Variants in DHRSX observed in about 807,000 individuals in gnomAD.
DHRSX encodes the protein polyprenol dehydrogenase.
DHRSX carries 31 observed loss-of-function variants against 34.0 expected under a neutral mutation model. The observed-to-expected ratio is 0.91, with a 90% CI of 0.69 to 1.23. The LOEUF (loss-of-function observed/expected upper bound fraction) is 1.23, where lower values mean the gene tolerates loss of function less well. Among genes scored for constraint, DHRSX ranks in the 50% most tolerant of loss-of-function variants. The probability of loss-of-function intolerance (pLI) is 0.00; values close to 1 mark genes in which losing one functional copy is unlikely to be tolerated. For missense variants in DHRSX, 414 were observed against 428.1 expected (o/e 0.97, Z 0.29); for synonymous variants, 201 against 183.8 (o/e 1.09, Z -0.76).
intron 5 of DHRSX, among the ~76,000 whole-genome samples, chrX:2,246,718 A>AAAGAAAGAAAG (rs2016299173): frequency 9.2e-6 from 1 of 109,198 alleles, no homozygotes; most frequent in Non-Finnish European, 2.3e-5. Flanking sequence ...GAAAGAAAGA[A>AAAGAAAGAAAG]AGAAAGAAAG....
chrX:2,406,158 C>T (rs775326690), intron 3 of DHRSX, among the ~76,000 whole-genome samples: 45 of 151,604 alleles, frequency 3.0e-4, no homozygotes, highest in Admixed American at 2.4e-3. Flanking sequence ...TGGGCATGGT[C>T]GCCAATGCCT....
chrX:2,483,421 C>T (rs949343264), intron 1 of DHRSX, among the ~76,000 whole-genome samples: 7 of 152,082 alleles, frequency 4.6e-5, no homozygotes, highest in Non-Finnish European at 8.8e-5. Context: ...ACATGCGCCT[C>T]CATGCCTGGC....
intron 5 of DHRSX, among the ~76,000 whole-genome samples, chrX:2,245,760 A>G (rs1189187604): frequency 6.9e-6 from 1 of 143,926 alleles, no homozygotes; most frequent in South Asian, 2.4e-4. Context: ...GTTTGAGACC[A>G]GGCTGGCCAA....
chrX:2,236,984 T>C (rs2016031692), intron 6 of DHRSX, among the ~76,000 whole-genome samples: 1 of 151,398 alleles, frequency 6.6e-6, no homozygotes, highest in African/African-American at 2.4e-5. Flanking sequence ...AGACTGTGAG[T>C]TCGAGATCAG....
At chrX:2,236,425 TTTC>T (rs901230000) in intron 6 of DHRSX, among the ~76,000 whole-genome samples, 29 of 152,016 alleles carry the variant, frequency 1.9e-4, no homozygotes, top group African/African-American at 4.6e-4. Flanking sequence ...CCTGGAGCAA[TTTC>T]TTCTTATTTT....
intron 3 of DHRSX, among the ~76,000 whole-genome samples, chrX:2,299,113 C>T (rs1412815401): frequency 6.6e-6 from 1 of 151,812 alleles, no homozygotes; most frequent in African/African-American, 2.4e-5. Flanking sequence ...TTGAAAGTGA[C>T]GAGATGCTCC....
chrX:2,468,757 C>A (rs1200755757), intron 1 of DHRSX, among the ~76,000 whole-genome samples: 1 of 151,334 alleles, frequency 6.6e-6, no homozygotes, highest in East Asian at 2.0e-4. Flanking sequence ...GGCCAAGGGA[C>A]CACCACCGTG....
intron 3 of DHRSX, among the ~76,000 whole-genome samples, chrX:2,303,838 T>C: frequency 8.8e-6 from 1 of 113,194 alleles, no homozygotes; most frequent in African/African-American, 3.2e-5. Context: ...GGTGGATGGA[T>C]GGATGGATGG....
chrX:2,496,570 A>T (rs2045290485), intron 1 of DHRSX, among the ~76,000 whole-genome samples: 2 of 152,156 alleles, frequency 1.3e-5, no homozygotes, highest in African/African-American at 2.4e-5. Flanking sequence ...AGAATCTCAC[A>T]AATCACCACT....
At chrX:2,368,016 G>T (rs183894841) in intron 3 of DHRSX, among the ~76,000 whole-genome samples, 115 of 152,184 alleles carry the variant, frequency 7.6e-4, no homozygotes, top group Non-Finnish European at 1.4e-3. Flanking sequence ...GCCGAGGAGG[G>T]TGGATCACTT....
intron 3 of DHRSX, among the ~76,000 whole-genome samples, chrX:2,355,146 C>G (rs1000137561): frequency 6.6e-6 from 1 of 151,986 alleles, no homozygotes; most frequent in Non-Finnish European, 1.5e-5. Flanking sequence ...AAAAGATACC[C>G]ACAGAGGAGT....
At chrX:2,314,358 AAAGAAGG>A in intron 3 of DHRSX, among the ~76,000 whole-genome samples, 1 of 17,410 alleles carries the variant, frequency 5.7e-5, no homozygotes, top group Non-Finnish European at 1.2e-4. Flanking sequence ...GGAGGGAGGG[AAAGAAGG>A]GAGAGAGGGA....
chrX:2,399,048 G>T (rs1022031638), intron 3 of DHRSX, among the ~76,000 whole-genome samples: 1 of 151,984 alleles, frequency 6.6e-6, no homozygotes, highest in Non-Finnish European at 1.5e-5. Context: ...TAGAGACGGG[G>T]TTTCACTGTG....
chrX:2,406,934 GA>G, intron 3 of DHRSX, among the ~76,000 whole-genome samples: 1 of 152,308 alleles, frequency 6.6e-6, no homozygotes, highest in East Asian at 1.9e-4. Flanking sequence ...CAAAGCAAAT[GA>G]AATCAGTGTA....
At chrX:2,485,837 GAAGGAAGGGAGAGA>G (rs1335363055) in intron 1 of DHRSX, among the ~76,000 whole-genome samples, 1 of 112,230 alleles carries the variant, frequency 8.9e-6, no homozygotes, top group Non-Finnish European at 1.8e-5. Context: ...GGGAGAGAAG[GAAGGAAGGGAGAGA>G]AAGAAAGAAG....
chrX:2,231,337 C>G (rs1371255463), intron 6 of DHRSX, among the ~76,000 whole-genome samples: 1 of 152,082 alleles, frequency 6.6e-6, no homozygotes, highest in Non-Finnish European at 1.5e-5. Flanking sequence ...TCAAACTGAT[C>G]TGGGTGGCAT....
intron 4 of DHRSX, among the ~76,000 whole-genome samples, chrX:2,282,658 G>C (rs1375194407): frequency 2.1e-5 from 3 of 145,628 alleles, no homozygotes; most frequent in Non-Finnish European, 4.5e-5. Context: ...GAGGGAGAGA[G>C]AGAATGGGAG....
intron 5 of DHRSX, among the ~76,000 whole-genome samples, chrX:2,255,897 G>A (rs1231640798): frequency 6.6e-6 from 1 of 151,972 alleles, no homozygotes; most frequent in East Asian, 1.9e-4. Context: ...CTCGATGCCT[G>A]GGTGACAAAA....
chrX:2,331,662 C>G (rs1256539202), intron 3 of DHRSX, among the ~76,000 whole-genome samples: 1 of 151,892 alleles, frequency 6.6e-6, no homozygotes, highest in Non-Finnish European at 1.5e-5. Context: ...GTTGGTCAGA[C>G]TGGTCTCAAA....
Sources: gnomAD v4.1 joint callset for allele counts (sites outside exome capture counted in the v4.1 genomes callset) on GRCh38, gnomAD v4.1.1 for gene constraint, MANE v1.5 for transcripts, NCBI Gene and HGNC (gene_info 2026-07-23, HGNC 2026-07-21) for gene names.